The following BMAL1 variants were observed in gnomAD, a reference collection of about 807,000 sequenced individuals.
The protein encoded by BMAL1 is basic helix-loop-helix ARNT like 1.
chr11:13,329,227 A>C, the BMAL1 span, among the ~76,000 whole-genome samples: 1 of 152,010 alleles, frequency 6.6e-6, no homozygotes, highest in Non-Finnish European at 1.5e-5. Context: ...GGCCAGCAGA[A>C]CCCTCCCTGA....
At chr11:13,327,519 A>G in the BMAL1 span, among the ~76,000 whole-genome samples, 1 of 152,014 alleles carries the variant, frequency 6.6e-6, no homozygotes, top group South Asian at 2.1e-4. Flanking sequence ...TGGTTGTGCC[A>G]TTTGTCCCTG....
chr11:13,281,053 G>A, the BMAL1 span, among the ~76,000 whole-genome samples: 1 of 152,190 alleles, frequency 6.6e-6, no homozygotes, highest in Non-Finnish European at 1.5e-5. Context: ...GAGTCTGTGT[G>A]AGGATTAAGG....
the BMAL1 span, among the ~76,000 whole-genome samples, chr11:13,306,898 C>T: frequency 6.6e-6 from 1 of 152,236 alleles, no homozygotes; most frequent in African/African-American, 2.4e-5. Context: ...CTACTGCAGA[C>T]AGGCTGCCCT....
chr11:13,331,254 T>G, the BMAL1 span, among the ~76,000 whole-genome samples: 1 of 151,916 alleles, frequency 6.6e-6, no homozygotes, highest in Non-Finnish European at 1.5e-5. Flanking sequence ...GTAGAGAAAA[T>G]GAGAGTGGGG....
chr11:13,297,633 G>A, the BMAL1 span, among the ~76,000 whole-genome samples: 3 of 152,144 alleles, frequency 2.0e-5, no homozygotes, highest in African/African-American at 7.2e-5. Flanking sequence ...GGAGGCTCTG[G>A]GCATCCCAAA....
chr11:13,291,829 C>CTGTATGAT, the BMAL1 span, among the ~76,000 whole-genome samples: 8 of 152,192 alleles, frequency 5.3e-5, no homozygotes, highest in African/African-American at 1.2e-4. Flanking sequence ...ACAGAATACT[C>CTGTATGAT]ACATATCTTT....
the BMAL1 span, among the ~76,000 whole-genome samples, chr11:13,341,119 C>G: frequency 6.6e-6 from 1 of 152,220 alleles, no homozygotes; most frequent in Non-Finnish European, 1.5e-5. Flanking sequence ...CTGTCTGGTA[C>G]CTAGGGGAGA....
chr11:13,343,010 C>T, the BMAL1 span, among the ~76,000 whole-genome samples: 1 of 152,206 alleles, frequency 6.6e-6, no homozygotes, highest in African/African-American at 2.4e-5. Flanking sequence ...ATGCTCCAGA[C>T]ACCATTCTGA....
the BMAL1 span, among the ~76,000 whole-genome samples, chr11:13,340,755 T>C: frequency 2.0e-5 from 3 of 152,178 alleles, no homozygotes; most frequent in South Asian, 4.1e-4. Flanking sequence ...ATCCCCAGGA[T>C]TTCAACCTGA....
chr11:13,297,613 T>C, the BMAL1 span, among the ~76,000 whole-genome samples: 1 of 152,162 alleles, frequency 6.6e-6, no homozygotes, highest in African/African-American at 2.4e-5. Flanking sequence ...TGTCCCCATG[T>C]GTCCCCAGGG....
the BMAL1 span, chr11:13,354,240 C>T: frequency 9.2e-7 from 1 of 1,082,766 alleles, no homozygotes; most frequent in Non-Finnish European, 1.3e-6. Context: ...CCTGGGTTCT[C>T]CACCACTTTT....
chr11:13,307,345 T>A, the BMAL1 span, among the ~76,000 whole-genome samples: 4 of 152,124 alleles, frequency 2.6e-5, no homozygotes, highest in African/African-American at 7.2e-5. Flanking sequence ...TCAAGGCGGG[T>A]TCGTAGGCCA....
At chr11:13,371,387 A>G in the BMAL1 span, among the ~76,000 whole-genome samples, 2 of 152,134 alleles carry the variant, frequency 1.3e-5, no homozygotes, top group African/African-American at 2.4e-5. Context: ...TTCACAGCAA[A>G]TCCCAACAGT....
At chr11:13,340,528 C>T in the BMAL1 span, among the ~76,000 whole-genome samples, 1 of 152,280 alleles carries the variant, frequency 6.6e-6, no homozygotes, top group Admixed American at 6.5e-5. Context: ...ACTCTATTCA[C>T]TTTTCAGATT....
chr11:13,338,874 C>T, the BMAL1 span, among the ~76,000 whole-genome samples: 3 of 152,230 alleles, frequency 2.0e-5, no homozygotes, highest in African/African-American at 4.8e-5. Flanking sequence ...GTAAACGGGA[C>T]GTGGTCAGTG....
the BMAL1 span, among the ~76,000 whole-genome samples, chr11:13,366,344 G>A: frequency 6.6e-6 from 1 of 152,228 alleles, no homozygotes; most frequent in Non-Finnish European, 1.5e-5. Flanking sequence ...AGGCTGAACA[G>A]CAGAGCTGGA....
At chr11:13,284,176 ATG>A in the BMAL1 span, among the ~76,000 whole-genome samples, 3 of 23,276 alleles carry the variant, frequency 1.3e-4, no homozygotes, top group East Asian at 6.2e-4. Context: ...ATATATATAT[ATG>A]TGTATATATA....
chr11:13,376,682 C>G, the BMAL1 span: 1 of 1,614,128 alleles, frequency 6.2e-7, no homozygotes, highest in Non-Finnish European at 8.5e-7. Context: ...TCCCACAGCT[C>G]ACAGCATCCC....
the BMAL1 span, among the ~76,000 whole-genome samples, chr11:13,382,473 C>T: frequency 3.2e-4 from 49 of 152,172 alleles, no homozygotes; most frequent in Admixed American, 1.6e-3. Context: ...ATACCACTGA[C>T]AGATGAAGTC....
Sources: allele counts gnomAD v4.1 joint callset (sites outside exome capture counted in the v4.1 genomes callset), GRCh38; gene constraint gnomAD v4.1.1; transcripts MANE v1.5; gene names NCBI Gene and HGNC (gene_info 2026-07-23, HGNC 2026-07-21).